Variants in TM6SF1 observed in about 807,000 individuals in gnomAD.
TM6SF1 encodes transmembrane 6 superfamily member 1.
A neutral mutation model predicts 47.1 loss-of-function variants in TM6SF1; 43 were observed. The ratio of observed to expected loss-of-function variants is 0.91; its 90% CI spans 0.72 to 1.18. The LOEUF (loss-of-function observed/expected upper bound fraction) is 1.18. Ranked by LOEUF, TM6SF1 falls within the 50% of genes most tolerant of loss-of-function variation. The pLI, the probability that TM6SF1 is intolerant of heterozygous loss-of-function variation, is 0.00. For synonymous variants in TM6SF1, 177 were observed against 166.3 expected, an observed-to-expected ratio of 1.06 and a Z score of -0.49; for missense variants, 390 against 449.0, an observed-to-expected ratio of 0.87 and a Z score of 1.19.
intron 1 of TM6SF1, among the ~76,000 whole-genome samples, chr15:83,110,829 A>G (rs1164628021): frequency 6.6e-6 from 1 of 152,200 alleles, no homozygotes; most frequent in African/African-American, 2.4e-5. Context: ...TCTCACCTGG[A>G]CATTGAAACA....
rs1419118149 is a variant in TM6SF1 at position 83,107,985 on chromosome 15, G to A, written c.92+213G>A. On this transcript the variant is annotated intron_variant, in intron 1 of 9. Coordinates refer to ENST00000322019, the MANE Select transcript of TM6SF1 (RefSeq NM_023003.5). This position sits in a 1 kb window ranked among gnomAD's most constrained non-coding sequence, Gnocchi z 5.6. ...TGGAGCCGGGCCCTGAGGTGCCCAGGCTGGCGCATTTCGGGATGTTGGTGC... is the reference window on the plus strand; with the variant it reads ...TGGAGCCGGGCCCTGAGGTGCCCAGACTGGCGCATTTCGGGATGTTGGTGC... 7.8e-6 allele frequency: 8 copies of A among 1,022,978 alleles called. No homozygotes were observed. Among genetic ancestry groups the A allele is most frequent in the Non-Finnish European group, 8.9e-6 (7 of 782,912 alleles). 63.4% of individuals were successfully genotyped at this position (1,022,978 alleles called of 1,614,324 possible). A position where few individuals can be genotyped will look rare whatever the true frequency, so the allele number is the denominator to read the frequency against.
At chr15:83,125,756 G>GT (rs1283920034) in intron 7 of TM6SF1, among the ~76,000 whole-genome samples, 1 of 152,234 alleles carries the variant, frequency 6.6e-6, no homozygotes, top group Non-Finnish European at 1.5e-5. Context: ...GCCCATGCAG[G>GT]TGACTTTTAT....
intron 9 of TM6SF1, chr15:83,128,307 G>A (rs1487854909): frequency 6.6e-6 from 1 of 152,120 alleles, no homozygotes; most frequent in Non-Finnish European, 1.5e-5. Context: ...TATTTAAGGG[G>A]TCAATGCATT....
chr15:83,119,694 A>C lies in TM6SF1; in HGVS notation c.398+13A>C, dbSNP rs1596489394. The C allele has an allele frequency of 6.2e-7, 1 of 1,613,954 alleles. No individual in the cohort carries two copies. The highest frequency in any genetic ancestry group is 8.5e-7 in the Non-Finnish European group (1 of 1,179,930). On this transcript the variant is annotated intron_variant, in intron 4 of 9. Transcript: ENST00000322019. Reference sequence around the variant, plus strand: ...CCATAGCATGGGAGTAAGTCAGTTCACCTGGTGTGTGCCTTTGCCACCTTA... The same window carrying C: ...CCATAGCATGGGAGTAAGTCAGTTCCCCTGGTGTGTGCCTTTGCCACCTTA...
intron 9 of TM6SF1, chr15:83,134,779 G>A (rs946783420): frequency 6.6e-6 from 1 of 152,226 alleles, no homozygotes; most frequent in African/African-American, 2.4e-5. Context: ...GGGATCAAAT[G>A]TGGCTTCCAG....
At chr15:83,111,423 CCAT>C (rs2034159615) in intron 1 of TM6SF1, among the ~76,000 whole-genome samples, 2 of 152,220 alleles carry the variant, frequency 1.3e-5, no homozygotes, top group South Asian at 4.1e-4. Flanking sequence ...ATCCATTCAT[CCAT>C]CATCTATCCA....
At chr15:83,134,730 A>G (rs576992121) in intron 9 of TM6SF1, 1 of 152,266 alleles carries the variant, frequency 6.6e-6, no homozygotes, top group Non-Finnish European at 1.5e-5. Flanking sequence ...ACAAGTATCT[A>G]TAAAGACAGA....
At chr15:83,116,529 A>G (rs1305620446) in intron 3 of TM6SF1, among the ~76,000 whole-genome samples, 1 of 152,230 alleles carries the variant, frequency 6.6e-6, no homozygotes, top group Non-Finnish European at 1.5e-5. Context: ...TTCTTCATCC[A>G]TGTTCAGATA....
chr15:83,131,179 T>A (rs745723677), intron 9 of TM6SF1: 1 of 152,130 alleles, frequency 6.6e-6, no homozygotes, highest in Non-Finnish European at 1.5e-5. Flanking sequence ...AAATTGCCAT[T>A]CTTATTTAGA....
intron 3 of TM6SF1, among the ~76,000 whole-genome samples, chr15:83,116,943 ACT>A (rs1410971864): frequency 6.6e-6 from 1 of 151,926 alleles, no homozygotes; most frequent in African/African-American, 2.4e-5. Flanking sequence ...GTTGAAGGGG[ACT>A]CTGTGGTCAG....
rs1323109494 is a variant in TM6SF1, at chr15:83,111,684, G to A, written c.93-1113G>A. 4 of 985,264 alleles carry A rather than the reference G, an allele frequency of 4.1e-6. No homozygotes were observed. The South Asian group carries it at 1.9e-4, about 46-fold the overall frequency. 61.0% of individuals were successfully genotyped at this position (985,264 alleles called of 1,614,324 possible). On this transcript the variant is annotated intron_variant, in intron 1 of 9. Transcript: ENST00000322019. The stretch of plus-strand genomic sequence containing the variant: ...TGCTCCAATCTGAAGAGGTCCTGGT[G>A]TAGCAGGCCATTGGAGTGGGCCAGG...
chr15:83,121,855 C>G (rs2035282812), intron 4 of TM6SF1, 66 bp from the exon 5 acceptor site: 1 of 1,128,500 alleles, frequency 8.9e-7, no homozygotes, highest in South Asian at 1.3e-5. Flanking sequence ...TATTGAAGAT[C>G]ATTTTTTGCT....
rs565493197 is a variant in TM6SF1 at position 83,118,993 on chromosome 15, T to C, written c.295-585T>C. On this transcript the variant is annotated intron_variant, in intron 3 of 9. Coordinates refer to ENST00000322019, the MANE Select transcript of TM6SF1 (RefSeq NM_023003.5). ...AAGTCTTGTAATCTCAGAGCATCTGTTTCCTCATCTGTAAAATGGACTCAA... is the reference window on the plus strand; with the variant it reads ...AAGTCTTGTAATCTCAGAGCATCTGCTTCCTCATCTGTAAAATGGACTCAA... Among the ~76,000 whole-genome samples, 25 of 152,290 alleles carry C rather than the reference T, an allele frequency of 1.6e-4. 1 individual carries two copies. The South Asian group carries it at 5.0e-3, about 30-fold the overall frequency.
chr15:83,109,485 T>C (rs1218116381), intron 1 of TM6SF1, among the ~76,000 whole-genome samples: 1 of 152,222 alleles, frequency 6.6e-6, no homozygotes, highest in Non-Finnish European at 1.5e-5. Context: ...TACAGCATTT[T>C]GAATAATTAG....
At chr15:83,126,920 C>A in intron 8 of TM6SF1, 73 bp downstream of exon 8, 2 of 1,185,476 alleles carry the variant, frequency 1.7e-6, no homozygotes, top group Non-Finnish European at 1.2e-6. Context: ...CAGCTGGGTG[C>A]GGTGGCTCAC....
chr15:83,107,666 G>T lies in TM6SF1; in HGVS notation c.-15G>T. On this transcript the variant is annotated 5_prime_UTR_variant, in exon 1 of 10. Transcript: ENST00000322019. The surrounding 1 kb of genome is among the most constrained non-coding windows in gnomAD (Gnocchi z 5.6). ...CAGCGGGATGCGGTGAAGGGCGAGC[G>T]GCGCGGCGGCTGCGATGAGTGCCTC... 2 of 1,536,376 alleles carry T rather than the reference G, an allele frequency of 1.3e-6. No individual in the cohort carries two copies. Among genetic ancestry groups the T allele is most frequent in the South Asian group, 1.2e-5 (1 of 82,602 alleles).
Position 83,115,930 on chromosome 15 carries a change from C to T in TM6SF1, c.282C>T (p.His94=). The T allele has an allele frequency of 1.2e-6, 2 of 1,613,412 alleles. No individual in the cohort carries two copies. Among genetic ancestry groups the T allele is most frequent in the Non-Finnish European group, 1.7e-6 (2 of 1,179,344 alleles). The part of the protein sequence containing the change: ...QDGIIDGFMT[H]YLREGEPYLN... ...GAATCATTGACGGGTTCATGACACA[C>T]TACTTGAGAGAGGTATGGGATCACT... The change falls in exon 3 of 10, where the codon CAC becomes CAT. Residue 94 remains histidine (H), a synonymous_variant. Transcript: ENST00000322019.
At chr15:83,117,723 G>C (rs2034800937) in intron 3 of TM6SF1, among the ~76,000 whole-genome samples, 1 of 152,256 alleles carries the variant, frequency 6.6e-6, no homozygotes, top group African/African-American at 2.4e-5. Flanking sequence ...CTGTGATAGA[G>C]AGGAGATGGG....
intron 6 of TM6SF1, among the ~76,000 whole-genome samples, chr15:83,123,262 A>G (rs1242575039): frequency 6.6e-6 from 1 of 152,178 alleles, no homozygotes; most frequent in East Asian, 1.9e-4. Flanking sequence ...TACTACCCCA[A>G]GAGGACACTG....
Sources: gnomAD v4.1 joint callset for allele counts (sites outside exome capture counted in the v4.1 genomes callset) on GRCh38, gnomAD v4.1.1 for gene constraint, Gnocchi (gnomAD v3.1) non-coding constraint, MANE v1.5 for transcripts, NCBI Gene and HGNC (gene_info 2026-07-23, HGNC 2026-07-21) for gene names.